Variants in TMC7 observed in about 807,000 individuals in gnomAD.
The protein encoded by TMC7 is transmembrane channel-like protein 7.
A neutral mutation model predicts 82.9 loss-of-function variants in TMC7; 54 were observed. That is an observed-to-expected ratio of 0.65 (90% CI 0.52 to 0.82). TMC7 has a LOEUF of 0.82. Ranked by LOEUF, TMC7 falls within the 40% of genes least tolerant of loss-of-function variation. The pLI is 0.00. For missense variants in TMC7, 820 were observed against 901.2 expected (o/e 0.91, Z 1.15); for synonymous variants, 350 against 337.9 (o/e 1.04, Z -0.39).
chr16:19,013,794 C>T (rs755983535), intron 2 of TMC7, among the ~76,000 whole-genome samples: 2 of 150,214 alleles, frequency 1.3e-5, no homozygotes, highest in Non-Finnish European at 3.0e-5. Context: ...GCTGGGATTA[C>T]AAGCATGAGC....
At chr16:19,032,051 T>C (rs114777000) in intron 6 of TMC7, among the ~76,000 whole-genome samples, 58 of 152,316 alleles carry the variant, frequency 3.8e-4, no homozygotes, top group African/African-American at 1.4e-3. Context: ...CCACAAATTT[T>C]TGATGGACAG....
At chr16:19,049,287 G>A (rs1317246063) in intron 12 of TMC7, among the ~76,000 whole-genome samples, 1 of 152,178 alleles carries the variant, frequency 6.6e-6, no homozygotes, top group Admixed American at 6.5e-5. Flanking sequence ...GCCTCCCAAA[G>A]TGCTGGGATT....
At chr16:18,989,322 A>C (rs1337044585) in intron 1 of TMC7, among the ~76,000 whole-genome samples, 1 of 151,630 alleles carries the variant, frequency 6.6e-6, no homozygotes, top group Non-Finnish European at 1.5e-5. Flanking sequence ...GACTCGAGTT[A>C]TTTTTTCCCC....
At chr16:19,034,742 T>C (rs1453376169) in intron 6 of TMC7, among the ~76,000 whole-genome samples, 2 of 151,842 alleles carry the variant, frequency 1.3e-5, no homozygotes, top group Non-Finnish European at 2.9e-5. Flanking sequence ...AGATCAGCCA[T>C]AGGGAGGGTC....
chr16:19,038,079 T>C, intron 8 of TMC7, 32 bp downstream of exon 8: 4 of 1,594,298 alleles, frequency 2.5e-6, no homozygotes, highest in South Asian at 1.1e-5. Flanking sequence ...CTGGACATTA[T>C]GCCTAGTGCA....
At chr16:19,048,004 T>C (rs1308747548) in intron 12 of TMC7, among the ~76,000 whole-genome samples, 1 of 152,146 alleles carries the variant, frequency 6.6e-6, no homozygotes, top group Non-Finnish European at 1.5e-5. Flanking sequence ...CGGCCTACTC[T>C]TGATGAATTT....
intron 1 of TMC7, among the ~76,000 whole-genome samples, chr16:18,993,811 G>T (rs2038991532): frequency 6.6e-6 from 1 of 152,166 alleles, no homozygotes; most frequent in African/African-American, 2.4e-5. Flanking sequence ...TAGTCCCTTT[G>T]CAAGAGAGAG....
intron 1 of TMC7, among the ~76,000 whole-genome samples, chr16:18,995,546 G>A (rs1250337510): frequency 6.6e-6 from 1 of 152,186 alleles, no homozygotes; most frequent in African/African-American, 2.4e-5. Flanking sequence ...GGAATCCTGG[G>A]CTGCGGGCAT....
rs1011301266 is a variant in TMC7, at chr16:19,061,871, C to T, written c.*28C>T. On this transcript the variant is annotated 3_prime_UTR_variant, in exon 16 of 16. Coordinates refer to ENST00000304381, the MANE Select transcript of TMC7 (RefSeq NM_024847.4). ...AGACTGAGCGTGAAGATGGTGCTGC[C>T]TGTTGCTTCTAAGCTGACCTAGTGA... is the stretch of plus-strand genomic sequence containing the variant. 7 of 1,603,240 alleles carry T rather than the reference C, an allele frequency of 4.4e-6. No homozygotes were observed. Among genetic ancestry groups the T allele is most frequent in the Non-Finnish European group, 6.0e-6 (7 of 1,172,408 alleles).
At position 19,026,555 on chromosome 16, in the gene TMC7, C is replaced by T. The variant is rs117967453; in HGVS notation, c.711+3360C>T. On this transcript the variant is annotated intron_variant, in intron 5 of 15. Transcript: ENST00000304381. ...CCCCATTTCTTTAGATTACATCCCA[C>T]AAGAAAAGTTTCTGTTTGTGAAAAA... is the stretch of plus-strand genomic sequence containing the variant. 2.4e-3 allele frequency among the ~76,000 whole-genome samples: 364 copies of T among 151,808 alleles called. 1 individual carries two copies. Among genetic ancestry groups the T allele is most frequent in the Non-Finnish European group, 3.8e-3 (256 of 67,962 alleles).
chr16:19,030,088 T>A (rs1960439390), intron 5 of TMC7, 136 bp from the exon 6 acceptor site: 1 of 843,798 alleles, frequency 1.2e-6, no homozygotes, highest in African/African-American at 1.7e-5. Context: ...CCTGTGCCTC[T>A]GGGGCTGTTC....
chr16:19,063,701 G>A lies in TMC7; in HGVS notation c.*1858G>A, dbSNP rs1596809532. On this transcript the variant is annotated 3_prime_UTR_variant, in exon 16 of 16. Coordinates refer to ENST00000304381, the MANE Select transcript of TMC7 (RefSeq NM_024847.4). ...GTGTGTGTGTGTGTGTGTGTGTGAT[G>A]AACACAACGAAAACGTACTGCGTTT... is the stretch of plus-strand genomic sequence containing the variant. 6.9e-6 allele frequency: 1 copy of A among 144,930 alleles called. No individual in the cohort carries two copies. Among genetic ancestry groups the A allele is most frequent in the East Asian group, 2.0e-4 (1 of 4,888 alleles). The allele number at this position is 144,930 out of a possible 1,614,324, so 9.0% of individuals were successfully genotyped here. A position where few individuals can be genotyped will look rare whatever the true frequency, so the allele number is the denominator to read the frequency against.
At chr16:19,048,354 C>G (rs1025492894) in intron 12 of TMC7, among the ~76,000 whole-genome samples, 1 of 152,118 alleles carries the variant, frequency 6.6e-6, no homozygotes, top group African/African-American at 2.4e-5. Flanking sequence ...GATCTAAGTG[C>G]TAATGAGGGA....
chr16:18,999,773 GT>G (rs1249782297), intron 1 of TMC7, among the ~76,000 whole-genome samples: 2 of 150,530 alleles, frequency 1.3e-5, no homozygotes, highest in Non-Finnish European at 3.0e-5. Context: ...TTTTGTTTTT[GT>G]TTTTTTTGAG....
chr16:18,993,859 G>A (rs2142126364), intron 1 of TMC7, among the ~76,000 whole-genome samples: 1 of 152,300 alleles, frequency 6.6e-6, no homozygotes, highest in African/African-American at 2.4e-5. Context: ...CTGCTGAGAA[G>A]TAGTGGAGGG....
chr16:19,009,737 C>T lies in TMC7; in HGVS notation c.311+322C>T, dbSNP rs540536649. 1.7e-3 allele frequency among the ~76,000 whole-genome samples: 255 copies of T among 151,952 alleles called. 1 individual carries two copies. Among genetic ancestry groups the T allele is most frequent in the African/African-American group, 5.7e-3 (235 of 41,496 alleles). On this transcript the variant is annotated intron_variant, in intron 2 of 15. Coordinates refer to ENST00000304381, the MANE Select transcript of TMC7 (RefSeq NM_024847.4). The stretch of plus-strand genomic sequence containing the variant: ...GGTGGATCACCTGAGGTCAGGAGTT[C>T]GAGACCAGCCTGGCCAACATGGTGA...
intron 6 of TMC7, among the ~76,000 whole-genome samples, chr16:19,034,606 A>G (rs1481492179): frequency 1.4e-5 from 2 of 143,480 alleles, no homozygotes; most frequent in Non-Finnish European, 3.1e-5. Flanking sequence ...TCAAAAATAA[A>G]TAAATAAGTA....
rs61744482 is a variant in TMC7, at chr16:19,021,803, G to A, written c.628+7G>A. 1.9e-6 allele frequency: 3 copies of A among 1,613,660 alleles called. No individual in the cohort carries two copies. The highest frequency in any genetic ancestry group is 1.1e-5 in the South Asian group (1 of 90,992). On this transcript the variant is annotated splice_region_variant and intron_variant, in intron 4 of 15. Transcript: ENST00000304381. ...ATTCCTTTCAAAGACATGGGTGAGT[G>A]TAAGGCCTGGTTTACTACGAAGTGT... is the stretch of plus-strand genomic sequence containing the variant.
At chr16:19,010,230 C>T (rs62044236) in intron 2 of TMC7, among the ~76,000 whole-genome samples, 69,678 of 146,836 alleles carry the variant, frequency 0.47, 19,226 homozygotes, top group East Asian at 0.76. Flanking sequence ...TCTTGGCTCA[C>T]GGCAACCTCC....
Sources: gnomAD v4.1 joint callset for allele counts (sites outside exome capture counted in the v4.1 genomes callset) on GRCh38, gnomAD v4.1.1 for gene constraint, MANE v1.5 for transcripts, NCBI Gene and HGNC (gene_info 2026-07-23, HGNC 2026-07-21) for gene names.